CACNA1I: variants seen among roughly 807,000 people sequenced by gnomAD.
CACNA1I encodes calcium voltage-gated channel subunit alpha1 I.
In CACNA1I, 74 loss-of-function variants were observed where a neutral mutation model predicts 201.6. The ratio of observed to expected loss-of-function variants is 0.37; its 90% CI spans 0.30 to 0.45. The LOEUF is 0.45. CACNA1I is among the 20% of genes least tolerant of loss of function. CACNA1I has a pLI of 1.00. For missense variants in CACNA1I, 2,346 were observed against 3,138.1 expected (o/e 0.75, Z 6.03); for synonymous variants, 1,431 against 1,345.2 (o/e 1.06, Z -1.40).
intron 10 of CACNA1I, among the ~76,000 whole-genome samples, chr22:39,651,545 G>A (rs1398004840): frequency 6.6e-6 from 1 of 152,194 alleles, no homozygotes; most frequent in Non-Finnish European, 1.5e-5. Context: ...CCTCTGGTCA[G>A]TGCCTGACCC....
intron 3 of CACNA1I, among the ~76,000 whole-genome samples, chr22:39,606,861 C>G (rs533634576): frequency 6.6e-6 from 1 of 152,242 alleles, no homozygotes; most frequent in South Asian, 2.1e-4. Context: ...ATCATTTAAG[C>G]TACACTTTTC....
rs1334825831 is a variant in CACNA1I, at chr22:39,685,913, C to T, written c.6180C>T (p.Ser2060=). The change falls in exon 37 of 37, where the codon TCC becomes TCT. Residue 2060 remains serine, a synonymous_variant. Transcript: ENST00000402142. This position sits in a 1 kb window ranked among gnomAD's most constrained non-coding sequence, Gnocchi z 5.0. ...CTCCAGGACCCCGGGCCGGCCTGTC[C>T]CCCGCCGCTCGCCGCCGCCTGAGCC... The part of the protein sequence containing the change: ...APAPGPRAGL[S]PAARRRLSLR... The T allele has an allele frequency of 1.5e-6, 2 of 1,327,516 alleles. No homozygotes were observed. The highest frequency in any genetic ancestry group is 1.9e-6 in the Non-Finnish European group (2 of 1,049,526). The allele number at this position is 1,327,516 out of a possible 1,614,324, so 82.2% of individuals were successfully genotyped here. A position where few individuals can be genotyped will look rare whatever the true frequency, so the allele number is the denominator to read the frequency against.
In CACNA1I at chr22:39,664,802, G is replaced by A; in HGVS notation, c.3730G>A (p.Asp1244Asn). The A allele has an allele frequency of 2.5e-6, 4 of 1,613,160 alleles. No homozygotes were observed. The highest frequency in any genetic ancestry group is 3.4e-6 in the Non-Finnish European group (4 of 1,179,782). The change falls in exon 21 of 37, where the codon GAT (aspartate) becomes AAT (asparagine). Residue 1244 changes from aspartate to asparagine, a missense_variant. Physicochemically the swap from Asp to Asn is conservative, Grantham distance 23. This residue lies in a region of CACNA1I where 158 missense variants were observed against 231.6 expected (regional missense o/e 0.68). Coordinates refer to ENST00000402142, the MANE Select transcript of CACNA1I (RefSeq NM_021096.4). ...CCTACGCAGCAGCTGGAACGTGCTG[G>A]ATGGCTTTCTTGTCTTCGTGTCCAT... Reference protein sequence around the residue: ...AYLRSSWNVLDGFLVFVSIID... With the variant: ...AYLRSSWNVLNGFLVFVSIID...
rs1484564208 is a variant in CACNA1I at position 39,665,241 on chromosome 22, G to T, written c.3852-257G>T. Reference sequence around the variant, plus strand: ...CCCGAGGAGCTGGGCACAGTGAGGGGTGAGGGCACGTACCCTGCTGCTGCT... The same window carrying T: ...CCCGAGGAGCTGGGCACAGTGAGGGTTGAGGGCACGTACCCTGCTGCTGCT... On this transcript the variant is annotated intron_variant, in intron 21 of 36. Transcript: ENST00000402142. This position sits in a 1 kb window ranked among gnomAD's most constrained non-coding sequence, Gnocchi z 5.5. Among the ~76,000 whole-genome samples, 3 of 152,152 alleles carry T rather than the reference G, an allele frequency of 2.0e-5. No homozygotes were observed. The East Asian group carries it at 5.8e-4, about 29-fold the overall frequency.
chr22:39,580,458 G>T (rs1474591179), intron 1 of CACNA1I, among the ~76,000 whole-genome samples: 3 of 152,192 alleles, frequency 2.0e-5, no homozygotes, highest in African/African-American at 7.2e-5. Flanking sequence ...AGGTTTTCGT[G>T]TAAAGAGAAC....
chr22:39,643,981 A>G (rs946184421), intron 7 of CACNA1I, among the ~76,000 whole-genome samples: 25 of 152,220 alleles, frequency 1.6e-4, no homozygotes, highest in Non-Finnish European at 3.4e-4. Context: ...CTGACCATAC[A>G]GCACCTTAGG....
intron 5 of CACNA1I, among the ~76,000 whole-genome samples, chr22:39,639,384 A>AT (rs1047245103): frequency 6.6e-5 from 10 of 152,120 alleles, no homozygotes; most frequent in South Asian, 2.1e-4. Context: ...CAAAACTTGG[A>AT]TTTTTTGTCT....
chr22:39,578,594 C>T (rs1209905808), intron 1 of CACNA1I, among the ~76,000 whole-genome samples: 1 of 152,078 alleles, frequency 6.6e-6, no homozygotes, highest in Non-Finnish European at 1.5e-5. Context: ...CTCCCCCTCT[C>T]CTCCCCAGTT....
At chr22:39,611,986 G>A (rs751886475) in intron 3 of CACNA1I, among the ~76,000 whole-genome samples, 2 of 152,200 alleles carry the variant, frequency 1.3e-5, no homozygotes, top group African/African-American at 2.4e-5. Flanking sequence ...GAGGAACTGC[G>A]AGTGTTGCTG....
Position 39,686,352 on chromosome 22 carries a change from C to T in CACNA1I, c.6619C>T (p.Pro2207Ser). 1 of 1,316,796 alleles carries T rather than the reference C, an allele frequency of 7.6e-7. No homozygotes were observed. The highest frequency in any genetic ancestry group is 9.7e-7 in the Non-Finnish European group (1 of 1,031,188). The allele number at this position is 1,316,796 out of a possible 1,614,324, so 81.6% of individuals were successfully genotyped here. A position where few individuals can be genotyped will look rare whatever the true frequency, so the allele number is the denominator to read the frequency against. Residue 2207 changes from proline (P) to serine (S), a missense_variant, in exon 37 of 37, where the codon CCG (proline) becomes TCG (serine). Physicochemically the swap from Pro to Ser is moderately conservative, Grantham distance 74 (BLOSUM62 -1). Coordinates refer to ENST00000402142, the MANE Select transcript of CACNA1I (RefSeq NM_021096.4). Reference sequence around the variant, plus strand: ...GGGCCCCTTGGCGCCCCCGCCGCAACCGCTCCCCGGAGAGCTGGAGCCGGG... The same window carrying T: ...GGGCCCCTTGGCGCCCCCGCCGCAATCGCTCCCCGGAGAGCTGGAGCCGGG... ...GLGPLAPPPQ[P>S]LPGELEPGDA...
At chr22:39,667,467 G>A (rs549411082) in intron 23 of CACNA1I, among the ~76,000 whole-genome samples, 3 of 152,134 alleles carry the variant, frequency 2.0e-5, no homozygotes, top group Non-Finnish European at 4.4e-5. Flanking sequence ...TGTAACCTCC[G>A]GGCAGTTTCA....
Position 39,619,407 on chromosome 22 carries a change from A to G in CACNA1I, c.580A>G (p.Ser194Gly). 1 of 1,604,912 alleles carries G rather than the reference A, an allele frequency of 6.2e-7. No homozygotes were observed. Residue 194 changes from serine (S) to glycine (G), a missense_variant and splice_region_variant, in exon 4 of 37, where the codon AGT (serine) becomes GGT (glycine). Transcript: ENST00000402142. ...CCTCAAAGCCATCAACCGCGTGCCCAGTGAGTCAGCCCCGCCCTGTCCACA... is the reference window on the plus strand; with the variant it reads ...CCTCAAAGCCATCAACCGCGTGCCCGGTGAGTCAGCCCCGCCCTGTCCACA... Reference protein sequence around the residue: ...RPLKAINRVPSMRILVNLLLD... With the variant: ...RPLKAINRVPGMRILVNLLLD...
intron 3 of CACNA1I, among the ~76,000 whole-genome samples, chr22:39,618,441 GTGAC>G (rs1933627048): frequency 6.6e-6 from 1 of 152,074 alleles, no homozygotes; most frequent in Non-Finnish European, 1.5e-5. Context: ...ATGCAGGTGT[GTGAC>G]TGTGCGTGTG....
rs1934567404 is a variant in CACNA1I at position 39,648,882 on chromosome 22, AG to A, written c.1568-615del. 6.6e-6 allele frequency among the ~76,000 whole-genome samples: 1 copy of A among 151,908 alleles called. No individual in the cohort carries two copies. Among genetic ancestry groups the A allele is most frequent in the African/African-American group, 2.4e-5 (1 of 41,336 alleles). On this transcript the variant is annotated intron_variant, in intron 9 of 36. Coordinates refer to ENST00000402142, the MANE Select transcript of CACNA1I (RefSeq NM_021096.4). The surrounding 1 kb of genome is among the most constrained non-coding windows in gnomAD (Gnocchi z 5.4). The stretch of plus-strand genomic sequence containing the variant: ...CAAAGGGATGAAGTTCCCTCTTCCC[AG>A]GGGCCCTTCCTGCCCGCTGCCCCCA...
In CACNA1I at chr22:39,662,339, G is replaced by A. The variant is rs747039737; in HGVS notation, c.3276G>A (p.Glu1092=). The A allele has an allele frequency of 1.3e-5, 20 of 1,486,238 alleles. No individual in the cohort carries two copies. In the South Asian group the frequency reaches 2.1e-4, roughly 16 times the overall value. The allele number at this position is 1,486,238 out of a possible 1,614,324, so 92.1% of individuals were successfully genotyped here. A position where few individuals can be genotyped will look rare whatever the true frequency, so the allele number is the denominator to read the frequency against. ...WRAAGPAPGH[E]DCNGRMPSIA... is the part of the protein sequence containing the mutation. ...CGGCAGGCCCGGCCCCCGGGCATGA[G>A]GACTGCAATGGCAGGATGCCCAGCA... is the stretch of plus-strand genomic sequence containing the variant. Residue 1092 remains glutamate (E), a synonymous_variant, in exon 17 of 37, where the codon GAG becomes GAA. Transcript: ENST00000402142.
At chr22:39,667,269 A>G (rs1264513290) in intron 23 of CACNA1I, among the ~76,000 whole-genome samples, 5 of 152,144 alleles carry the variant, frequency 3.3e-5, no homozygotes, top group Non-Finnish European at 7.4e-5. Context: ...CACTTTCTGG[A>G]TACCTTTGGC....
In CACNA1I at chr22:39,665,881, C is replaced by A. The variant is rs1935176037; in HGVS notation, c.3979C>A (p.Leu1327Ile). The A allele has an allele frequency of 6.2e-7, 1 of 1,613,750 alleles. No homozygotes were observed. Among genetic ancestry groups the A allele is most frequent in the Non-Finnish European group, 8.5e-7 (1 of 1,179,872 alleles). Reference protein sequence around the residue: ...FIIFGILGVQLFKGKFYHCLG... With the variant: ...FIIFGILGVQIFKGKFYHCLG... ...CACCAACCTCACCCCCTTTCCCCAGCTCTTCAAGGGCAAGTTCTACCACTG... is the reference window on the plus strand; with the variant it reads ...CACCAACCTCACCCCCTTTCCCCAGATCTTCAAGGGCAAGTTCTACCACTG... The change falls in exon 23 of 37, where the codon CTC (leucine) becomes ATC (isoleucine). Residue 1327 changes from leucine to isoleucine, a missense_variant and splice_region_variant. This residue lies in a region of CACNA1I where 228 missense variants were observed against 395.7 expected (regional missense o/e 0.58). Coordinates refer to ENST00000402142, the MANE Select transcript of CACNA1I (RefSeq NM_021096.4). The surrounding 1 kb of genome is among the most constrained non-coding windows in gnomAD (Gnocchi z 5.5).
chr22:39,619,238 A>G (rs1035600880), intron 3 of CACNA1I, 72 bp from the exon 4 acceptor site: 67 of 1,147,496 alleles, frequency 5.8e-5, no homozygotes, highest in Non-Finnish European at 3.8e-5. Context: ...GTGGCTGGAG[A>G]ATGCTGTGGC....
At position 39,665,654 on chromosome 22, in the gene CACNA1I, G is replaced by A; in HGVS notation, c.3978+30G>A. The A allele has an allele frequency of 6.2e-7, 1 of 1,607,038 alleles. No homozygotes were observed. On this transcript the variant is annotated intron_variant, in intron 22 of 36. Coordinates refer to ENST00000402142, the MANE Select transcript of CACNA1I (RefSeq NM_021096.4). The surrounding 1 kb of genome is among the most constrained non-coding windows in gnomAD (Gnocchi z 5.5). ...GGGGTGCCCAGTCTGGGCAGGGACT[G>A]GGCTCTGTGACTGGGGAAAAGGAAG...
Sources: allele counts gnomAD v4.1 joint callset (sites outside exome capture counted in the v4.1 genomes callset), GRCh38; gene constraint gnomAD v4.1.1; regional missense constraint gnomAD v4.1.1; non-coding constraint Gnocchi (gnomAD v3.1); transcripts MANE v1.5; gene names NCBI Gene and HGNC (gene_info 2026-07-23, HGNC 2026-07-21).